Variants in MRPL22 observed in about 807,000 individuals in gnomAD.
MRPL22 encodes mitochondrial ribosomal protein L22.
MRPL22 carries 27 observed loss-of-function variants against 32.4 expected under a neutral mutation model. That is an observed-to-expected ratio of 0.83 (90% confidence interval 0.61 to 1.15). The LOEUF is 1.15. Among genes scored for constraint, MRPL22 ranks in the 50% most tolerant of loss-of-function variants. The pLI is 0.00. For missense variants in MRPL22, 239 were observed against 260.2 expected (o/e 0.92, Z 0.56); for synonymous variants, 86 against 87.3 (o/e 0.99, Z 0.08).
At chr5:154,963,984 G>T (rs1331487809) in intron 6 of MRPL22, among the ~76,000 whole-genome samples, 1 of 152,166 alleles carries the variant, frequency 6.6e-6, no homozygotes, top group Non-Finnish European at 1.5e-5. Flanking sequence ...GAGGAGAACA[G>T]TGTGAAGGAA....
At position 154,960,049 on chromosome 5, in the gene MRPL22, G is replaced by A; in HGVS notation, c.409G>A (p.Ala137Thr). Residue 137 changes from alanine to threonine, a missense_variant and splice_region_variant, in exon 6 of 7, where the codon GCT (alanine) becomes ACT (threonine). Coordinates refer to ENST00000523037, the MANE Select transcript of MRPL22 (RefSeq NM_014180.4). ...NVEFRSNLYIAESTSGRGQCL... is the reference protein window; with the variant it reads ...NVEFRSNLYITESTSGRGQCL... ...GGAATTCAGGTCCAATTTATATATAGGTAAGATTTTTAATATTCTTAGCAT... is the reference window on the plus strand; with the variant it reads ...GGAATTCAGGTCCAATTTATATATAAGTAAGATTTTTAATATTCTTAGCAT... The A allele has an allele frequency of 6.3e-7, 1 of 1,597,764 alleles. No homozygotes were observed. Among genetic ancestry groups the A allele is most frequent in the Non-Finnish European group, 8.6e-7 (1 of 1,166,444 alleles).
chr5:154,941,466 T>C (rs994880633), intron 2 of MRPL22, among the ~76,000 whole-genome samples: 3 of 152,184 alleles, frequency 2.0e-5, no homozygotes, highest in African/African-American at 7.2e-5. Context: ...GGATTACCCA[T>C]AACCCAAGGG....
intron 2 of MRPL22, among the ~76,000 whole-genome samples, chr5:154,941,800 A>G (rs1764420547): frequency 6.6e-6 from 1 of 152,250 alleles, no homozygotes. Context: ...GCTTTATACC[A>G]GAGCATTCTG....
At chr5:154,943,912 C>T (rs1764454588) in intron 2 of MRPL22, among the ~76,000 whole-genome samples, 2 of 152,052 alleles carry the variant, frequency 1.3e-5, no homozygotes, top group African/African-American at 2.4e-5. Flanking sequence ...AATCTCCCAC[C>T]TCAGTCTCCC....
chr5:154,961,049 A>T (rs1336604026), intron 6 of MRPL22, among the ~76,000 whole-genome samples: 71 of 152,318 alleles, frequency 4.7e-4, no homozygotes, highest in Non-Finnish European at 1.2e-4. Flanking sequence ...AGAGTAAAAA[A>T]AAAATTATCT....
intron 5 of MRPL22, chr5:154,959,268 C>A (rs1478123572): frequency 6.6e-6 from 1 of 151,416 alleles, no homozygotes; most frequent in Non-Finnish European, 1.5e-5. Context: ...GCCTCAGCCT[C>A]CCAAAGTGCT....
At chr5:154,953,153 T>C (rs554750442) in intron 3 of MRPL22, among the ~76,000 whole-genome samples, 2 of 151,760 alleles carry the variant, frequency 1.3e-5, no homozygotes, top group South Asian at 4.2e-4. Flanking sequence ...GGTCAGGAGT[T>C]CAAGCCCAGC....
intron 2 of MRPL22, 51 bp from the exon 3 acceptor site, chr5:154,950,770 A>G (rs370399043): frequency 4.1e-5 from 49 of 1,181,618 alleles, no homozygotes; most frequent in Middle Eastern, 1.9e-4. Context: ...TAAACTCTAC[A>G]GAAAGGTCCC....
intron 6 of MRPL22, among the ~76,000 whole-genome samples, chr5:154,960,254 A>G (rs973298304): frequency 6.6e-6 from 1 of 152,190 alleles, no homozygotes; most frequent in African/African-American, 2.4e-5. Flanking sequence ...CCTGTTCTGT[A>G]GTGAGACTGA....
chr5:154,963,210 A>T (rs1165697959), intron 6 of MRPL22, among the ~76,000 whole-genome samples: 1 of 152,232 alleles, frequency 6.6e-6, no homozygotes, highest in Admixed American at 6.5e-5. Flanking sequence ...AGATTTTGGG[A>T]TTACAGGCGT....
intron 3 of MRPL22, among the ~76,000 whole-genome samples, chr5:154,954,899 C>T (rs1764611538): frequency 6.6e-6 from 1 of 152,148 alleles, no homozygotes; most frequent in South Asian, 2.1e-4. Context: ...TCATGGCATT[C>T]TCCCGCCTCA....
At chr5:154,962,946 T>C (rs912094573) in intron 6 of MRPL22, among the ~76,000 whole-genome samples, 2 of 152,166 alleles carry the variant, frequency 1.3e-5, no homozygotes, top group Admixed American at 6.5e-5. Context: ...TACTTACTTA[T>C]TTATTTATTT....
intron 3 of MRPL22, among the ~76,000 whole-genome samples, chr5:154,951,786 T>A (rs1421542459): frequency 6.6e-6 from 1 of 152,006 alleles, no homozygotes; most frequent in Non-Finnish European, 1.5e-5. Context: ...ATTGACTAAA[T>A]GAAACGTTAC....
intron 2 of MRPL22, among the ~76,000 whole-genome samples, chr5:154,944,446 C>A (rs980175909): frequency 6.6e-6 from 1 of 152,148 alleles, no homozygotes; most frequent in Non-Finnish European, 1.5e-5. Context: ...CAGTTTCCAA[C>A]CATGTGTAAA....
rs977333244 is a variant in MRPL22 at position 154,952,161 on chromosome 5, G to A, written c.195+1223G>A. 3.9e-5 allele frequency among the ~76,000 whole-genome samples: 6 copies of A among 152,254 alleles called. No individual in the cohort carries two copies. In the East Asian group the frequency reaches 7.7e-4, roughly 20 times the overall value. The stretch of plus-strand genomic sequence containing the variant: ...CTCCCAAAGTGCTGGGATTACAGGC[G>A]TGAGCCATCGTGCCCGGCCTGAAAT... On this transcript the variant is annotated intron_variant, in intron 3 of 6. Coordinates refer to ENST00000523037, the MANE Select transcript of MRPL22 (RefSeq NM_014180.4).
At chr5:154,943,045 T>C (rs1764440543) in intron 2 of MRPL22, among the ~76,000 whole-genome samples, 1 of 152,140 alleles carries the variant, frequency 6.6e-6, no homozygotes, top group Non-Finnish European at 1.5e-5. Flanking sequence ...GTGGGGAAAA[T>C]GACCATAAGA....
chr5:154,944,051 A>G, intron 2 of MRPL22, among the ~76,000 whole-genome samples: 1 of 152,204 alleles, frequency 6.6e-6, no homozygotes, highest in Non-Finnish European at 1.5e-5. Context: ...AAGGTTACAC[A>G]GTTAAATGTC....
rs146959408 is a variant in MRPL22, at chr5:154,943,949, A to G, written c.77+2684A>G. Among the ~76,000 whole-genome samples the G allele has an allele frequency of 1.3e-4, 20 of 151,756 alleles. No individual in the cohort carries two copies. The East Asian group carries it at 3.7e-3, about 28-fold the overall frequency. On this transcript the variant is annotated intron_variant, in intron 2 of 6. Coordinates refer to ENST00000523037, the MANE Select transcript of MRPL22 (RefSeq NM_014180.4). ...AAGTGCTGGGATTACTCTGTAGGCT[A>G]TATTTGTTAGCTGACTGACAGTTTT...
chr5:154,957,029 C>T (rs1056627874), intron 4 of MRPL22, 106 bp from the exon 5 acceptor site: 10 of 1,014,888 alleles, frequency 9.9e-6, no homozygotes, highest in African/African-American at 1.6e-5. Context: ...GGGTTCAATT[C>T]ACTGTTTTTA....
Sources: gnomAD v4.1 joint callset for allele counts (sites outside exome capture counted in the v4.1 genomes callset) on GRCh38, gnomAD v4.1.1 for gene constraint, MANE v1.5 for transcripts, NCBI Gene and HGNC (gene_info 2026-07-23, HGNC 2026-07-21) for gene names.